The following ADD2 variants were observed in gnomAD, a reference collection of about 807,000 sequenced individuals.
ADD2 encodes the protein beta-adducin.
A neutral mutation model predicts 83.0 loss-of-function variants in ADD2; 23 were observed. The ratio of observed to expected loss-of-function variants is 0.28; its 90% CI spans 0.20 to 0.39. The LOEUF (loss-of-function observed/expected upper bound fraction) is 0.39, where lower values mean the gene tolerates loss of function less well. Among genes scored for constraint, ADD2 ranks in the 10% least tolerant of loss-of-function variants. The probability of loss-of-function intolerance (pLI) is 1.00; values close to 1 mark genes in which losing one functional copy is unlikely to be tolerated. For missense variants in ADD2, 758 were observed against 944.9 expected (o/e 0.80, Z 2.59); for synonymous variants, 375 against 375.4 (o/e 1.00, Z 0.01).
rs528354362 is a variant in ADD2 at position 70,658,808 on chromosome 2, G to C, written c.*4617C>G. 4 of 152,270 alleles carry C rather than the reference G, an allele frequency of 2.6e-5. No homozygotes were observed. The highest frequency in any genetic ancestry group is 1.9e-4 in the East Asian group (1 of 5,186). 9.4% of individuals were successfully genotyped at this position (152,270 alleles called of 1,614,324 possible). A position where few individuals can be genotyped will look rare whatever the true frequency, so the allele number is the denominator to read the frequency against. On this transcript the variant is annotated 3_prime_UTR_variant, in exon 16 of 16. Coordinates refer to ENST00000264436, the MANE Select transcript of ADD2 (RefSeq NM_001617.4). ...CTCATTTGTTCACTAGTCAAGAACT[G>C]ATTACCCTTGTCCCAAAACTAGAAC... is the stretch of plus-strand genomic sequence containing the variant.
At chr2:70,704,264 C>CCCCCCCCCCCCCCCCCCCCCA in intron 4 of ADD2, 57 bp downstream of exon 4, 3 of 425,204 alleles carry the variant, frequency 7.1e-6, no homozygotes, top group Non-Finnish European at 4.8e-6. Context: ...TCCCTCTCTT[C>CCCCCCCCCCCCCCCCCCCCCA]CCCACCCCAC....
intron 1 of ADD2, among the ~76,000 whole-genome samples, chr2:70,732,439 T>C (rs1673331322): frequency 6.6e-6 from 1 of 152,178 alleles, no homozygotes; most frequent in Non-Finnish European, 1.5e-5. Flanking sequence ...AAGTAGAAAG[T>C]TTCTCCTAAT....
At position 70,676,803 on chromosome 2, in the gene ADD2, C is replaced by A. The variant is rs114311724; in HGVS notation, c.1586G>T (p.Arg529Leu). The change falls in exon 13 of 16, where the codon CGA becomes CTA. Residue 529 changes from arginine (R) to leucine (L), a missense_variant. Arg to Leu is a moderately radical substitution (Grantham distance 102). Coordinates refer to ENST00000264436, the MANE Select transcript of ADD2 (RefSeq NM_001617.4). This position sits in a 1 kb window ranked among gnomAD's most constrained non-coding sequence, Gnocchi z 4.8. ...GGGCAGCCTCTGCTCTACCGGGCTTCGGCTCTTCTCGGCAATGACGCTCGC... is the reference window on the plus strand; with the variant it reads ...GGGCAGCCTCTGCTCTACCGGGCTTAGGCTCTTCTCGGCAATGACGCTCGC... ...LLASVIAEKS[R>L]SPSTESQLMS... The A allele has an allele frequency of 6.2e-7, 1 of 1,614,172 alleles. No homozygotes were observed. Among genetic ancestry groups the A allele is most frequent in the African/African-American group, 1.3e-5 (1 of 75,048 alleles).
chr2:70,689,228 A>G (rs568949246), intron 8 of ADD2, among the ~76,000 whole-genome samples: 106 of 152,346 alleles, frequency 7.0e-4, no homozygotes, highest in African/African-American at 2.5e-3. Flanking sequence ...GGGGAACCCA[A>G]ACTGAATTTG....
At chr2:70,767,203 AG>A in intron 1 of ADD2, 1 of 152,824 alleles carries the variant, frequency 6.5e-6, no homozygotes. Context: ...GCAGAAAGGG[AG>A]GGGAGGCAGG....
At chr2:70,741,934 C>A (rs570247103) in intron 1 of ADD2, among the ~76,000 whole-genome samples, 1 of 152,304 alleles carries the variant, frequency 6.6e-6, no homozygotes, top group South Asian at 2.1e-4. Flanking sequence ...ATCCATTAAC[C>A]AATTTTGACA....
At chr2:70,707,176 T>G (rs782656078) in intron 2 of ADD2, among the ~76,000 whole-genome samples, 1 of 152,270 alleles carries the variant, frequency 6.6e-6, no homozygotes, top group Non-Finnish European at 1.5e-5. Context: ...TTGGTGAATC[T>G]GTTTTTCTGA....
chr2:70,721,083 C>T (rs1486293761), intron 1 of ADD2, among the ~76,000 whole-genome samples: 3 of 152,118 alleles, frequency 2.0e-5, no homozygotes, highest in Non-Finnish European at 4.4e-5. Flanking sequence ...ATATTCCCAC[C>T]CTTTAGGTCA....
chr2:70,763,500 G>A (rs915734743), intron 1 of ADD2, among the ~76,000 whole-genome samples: 1 of 151,914 alleles, frequency 6.6e-6, no homozygotes, highest in Non-Finnish European at 1.5e-5. Flanking sequence ...AATTTCTCAT[G>A]ACCTCATGGT....
chr2:70,754,959 C>A (rs958374457), intron 1 of ADD2, among the ~76,000 whole-genome samples: 1 of 152,154 alleles, frequency 6.6e-6, no homozygotes. Flanking sequence ...AACTGGATAA[C>A]CATTCCCTTG....
chr2:70,704,263 T>TCCCCCCCCCCCCCCCCCCCCCCCCCCCC, intron 4 of ADD2, 58 bp downstream of exon 4: 1 of 913,236 alleles, frequency 1.1e-6, no homozygotes, highest in Non-Finnish European at 1.7e-6. Flanking sequence ...CTCCCTCTCT[T>TCCCCCCCCCCCCCCCCCCCCCCCCCCCC]CCCCACCCCA....
intron 4 of ADD2, 98 bp from the exon 5 acceptor site, chr2:70,696,494 C>T (rs534260883): frequency 1.1e-5 from 17 of 1,488,638 alleles, no homozygotes; most frequent in African/African-American, 2.8e-5. Context: ...TAAAACTGCA[C>T]AGGAGACTTC....
intron 15 of ADD2, among the ~76,000 whole-genome samples, chr2:70,671,128 C>A (rs1553366975): frequency 6.6e-6 from 1 of 152,156 alleles, no homozygotes; most frequent in Admixed American, 6.5e-5. Flanking sequence ...GCCCTCTATG[C>A]ATCCTTATAA....
At chr2:70,685,246 G>T (rs1206484219) in intron 9 of ADD2, among the ~76,000 whole-genome samples, 1 of 152,088 alleles carries the variant, frequency 6.6e-6, no homozygotes, top group Non-Finnish European at 1.5e-5. Flanking sequence ...ACAAATGCAG[G>T]TCTATGAACC....
intron 2 of ADD2, among the ~76,000 whole-genome samples, chr2:70,709,668 C>A (rs1672078795): frequency 6.6e-6 from 1 of 152,174 alleles, no homozygotes. Flanking sequence ...GAGTTGGAGA[C>A]AGATACATTC....
In ADD2 at chr2:70,706,979, C is replaced by T. The variant is rs1553374651; in HGVS notation, c.-34-537G>A. Among the ~76,000 whole-genome samples the T allele has an allele frequency of 6.6e-6, 1 of 152,072 alleles. No individual in the cohort carries two copies. The highest frequency in any genetic ancestry group is 2.4e-5 in the African/African-American group (1 of 41,396). On this transcript the variant is annotated intron_variant, in intron 2 of 15. Transcript: ENST00000264436. The surrounding 1 kb of genome is among the most constrained non-coding windows in gnomAD (Gnocchi z 5.0). ...ATGTAACAAACCTGCACATCCTGCA[C>T]ACGTATCACAGAACTAAAAAGAAAA...
chr2:70,732,594 T>C (rs1459712203), intron 1 of ADD2, among the ~76,000 whole-genome samples: 1 of 152,154 alleles, frequency 6.6e-6, no homozygotes, highest in Non-Finnish European at 1.5e-5. Flanking sequence ...CATCCTCAGA[T>C]GGCTTTCAGG....
intron 4 of ADD2, among the ~76,000 whole-genome samples, chr2:70,702,108 C>G (rs1671613655): frequency 6.6e-6 from 1 of 152,148 alleles, no homozygotes; most frequent in East Asian, 1.9e-4. Flanking sequence ...CAATCAAAAT[C>G]CCAAAAGGAA....
chr2:70,718,356 T>C (rs1167367061), intron 1 of ADD2, among the ~76,000 whole-genome samples: 1 of 152,290 alleles, frequency 6.6e-6, no homozygotes, highest in African/African-American at 2.4e-5. Context: ...AAATGAGACA[T>C]GGCCCTGCCT....
Sources: allele counts gnomAD v4.1 joint callset (sites outside exome capture counted in the v4.1 genomes callset), GRCh38; gene constraint gnomAD v4.1.1; non-coding constraint Gnocchi (gnomAD v3.1); transcripts MANE v1.5; gene names NCBI Gene and HGNC (gene_info 2026-07-23, HGNC 2026-07-21).